SPIDR: variants seen among roughly 807,000 people sequenced by gnomAD.
SPIDR encodes scaffold protein involved in DNA repair.
Under a neutral mutation model 104.6 loss-of-function variants are expected in SPIDR, and 93 were observed. That is an observed-to-expected ratio of 0.89 (90% CI 0.75 to 1.06). SPIDR has a LOEUF of 1.06. Among genes scored for constraint, SPIDR ranks in the 50% least tolerant of loss-of-function variants. SPIDR has a pLI of 0.00. For missense variants in SPIDR, 1,154 were observed against 1,111.2 expected (o/e 1.04, Z -0.55); for synonymous variants, 431 against 416.9 (o/e 1.03, Z -0.41).
chr8:47,675,921 C>A (rs954413789), intron 11 of SPIDR, among the ~76,000 whole-genome samples: 4 of 152,212 alleles, frequency 2.6e-5, no homozygotes, highest in Non-Finnish European at 4.4e-5. Context: ...CTCTTTCACT[C>A]GGCTGCCACC....
At chr8:47,470,532 C>G (rs538486497) in intron 8 of SPIDR, among the ~76,000 whole-genome samples, 1 of 151,990 alleles carries the variant, frequency 6.6e-6, no homozygotes, top group South Asian at 2.1e-4. Context: ...GATCTGCCCA[C>G]CTCAGCCTCC....
intron 8 of SPIDR, among the ~76,000 whole-genome samples, chr8:47,462,546 A>G (rs1375117249): frequency 6.6e-6 from 1 of 152,234 alleles, no homozygotes; most frequent in Non-Finnish European, 1.5e-5. Context: ...AACATAATGT[A>G]CTAAAACTTA....
chr8:47,549,248 A>G (rs532584317), intron 8 of SPIDR, among the ~76,000 whole-genome samples: 1 of 152,200 alleles, frequency 6.6e-6, no homozygotes, highest in Non-Finnish European at 1.5e-5. Context: ...ATGTGTCTTT[A>G]TAGCAGCATG....
intron 8 of SPIDR, among the ~76,000 whole-genome samples, chr8:47,577,053 A>C (rs1266365604): frequency 6.6e-6 from 1 of 152,224 alleles, no homozygotes; most frequent in Non-Finnish European, 1.5e-5. Context: ...TCCACAGATG[A>C]GATGCTTAGG....
At chr8:47,484,817 C>A (rs190339792) in intron 8 of SPIDR, among the ~76,000 whole-genome samples, 1 of 152,166 alleles carries the variant, frequency 6.6e-6, no homozygotes, top group Admixed American at 6.5e-5. Flanking sequence ...CACATTGTGG[C>A]GTTCAAAGGG....
rs557712503 is a variant in SPIDR at position 47,486,704 on chromosome 8, T to C, written c.1097+46162T>C. On this transcript the variant is annotated intron_variant, in intron 8 of 19. Coordinates refer to ENST00000297423, the MANE Select transcript of SPIDR (RefSeq NM_001080394.4). ...GAGTGGGGGCCGATATTCAACATTC[T>C]TAAAGAAAAGAATTTTCAACCCAGA... Among the ~76,000 whole-genome samples the C allele has an allele frequency of 4.6e-5, 7 of 152,282 alleles. No individual in the cohort carries two copies. The South Asian group carries it at 6.2e-4, about 14-fold the overall frequency.
intron 10 of SPIDR, among the ~76,000 whole-genome samples, chr8:47,643,968 T>A (rs1327322146): frequency 6.6e-6 from 1 of 152,200 alleles, no homozygotes; most frequent in African/African-American, 2.4e-5. Context: ...AAATGCTTTT[T>A]AACTACACTG....
chr8:47,489,723 G>A (rs200023054), intron 8 of SPIDR, among the ~76,000 whole-genome samples: 3 of 152,162 alleles, frequency 2.0e-5, no homozygotes, highest in East Asian at 1.9e-4. Flanking sequence ...CTGATCTTTG[G>A]CAAACCTGAC....
Position 47,446,582 on chromosome 8 carries a change from C to CT in SPIDR, c.1097+6058dup, listed in dbSNP as rs574653139. 5.4e-3 allele frequency among the ~76,000 whole-genome samples: 741 copies of CT among 136,874 alleles called. 4 individuals are homozygous for CT. Among genetic ancestry groups the CT allele is most frequent in the Admixed American group, 0.013 (171 of 13,524 alleles). The allele number at this position is 136,874 out of a possible 152,430, so 89.8% of individuals were successfully genotyped here. ...TTTTAACTGCCATAGATAATGATTC[C>CT]TTTTTTTTTTTTTTTTTTAAATGAG... is the stretch of plus-strand genomic sequence containing the variant. On this transcript the variant is annotated intron_variant, in intron 8 of 19. Transcript: ENST00000297423.
At chr8:47,724,596 G>T (rs1563671603) in intron 16 of SPIDR, among the ~76,000 whole-genome samples, 1 of 152,318 alleles carries the variant, frequency 6.6e-6, no homozygotes, top group East Asian at 1.9e-4. Context: ...TGGTGCTAGG[G>T]CTTGGGCAGC....
chr8:47,451,319 C>T (rs1366558375), intron 8 of SPIDR, among the ~76,000 whole-genome samples: 2 of 152,034 alleles, frequency 1.3e-5, no homozygotes, highest in African/African-American at 2.4e-5. Context: ...GGTGACTTAA[C>T]GCCTGTAATC....
chr8:47,556,195 C>G (rs895838146), intron 8 of SPIDR, among the ~76,000 whole-genome samples: 7 of 152,190 alleles, frequency 4.6e-5, no homozygotes, highest in African/African-American at 1.7e-4. Context: ...CATAGAACCA[C>G]AACTGAGATC....
At chr8:47,603,955 T>G (rs2062629228) in intron 10 of SPIDR, among the ~76,000 whole-genome samples, 1 of 152,192 alleles carries the variant, frequency 6.6e-6, no homozygotes, top group South Asian at 2.1e-4. Flanking sequence ...TATTTATTCC[T>G]TCTTTCCACT....
At chr8:47,472,928 T>G (rs1586303065) in intron 8 of SPIDR, among the ~76,000 whole-genome samples, 2 of 152,220 alleles carry the variant, frequency 1.3e-5, no homozygotes, top group East Asian at 3.9e-4. Context: ...ACAATTTCAC[T>G]GCTTAAGAAA....
chr8:47,446,243 C>A (rs934246056), intron 8 of SPIDR, among the ~76,000 whole-genome samples: 41 of 152,256 alleles, frequency 2.7e-4, no homozygotes, highest in Middle Eastern at 3.4e-3. Flanking sequence ...GTTCATTTAC[C>A]ATTTTGAAAA....
rs1466042214 is a variant in SPIDR at position 47,347,686 on chromosome 8, C to CT, written c.526-48687dup. 2.0e-5 allele frequency among the ~76,000 whole-genome samples: 3 copies of CT among 152,156 alleles called. No individual in the cohort carries two copies. In the East Asian group the frequency reaches 5.8e-4, roughly 29 times the overall value. ...GATAGTTAGCTCTTCTTGTTGATCC[C>CT]TTTACCATTATGTAATGGCCTTCTT... On this transcript the variant is annotated intron_variant, in intron 5 of 19. Transcript: ENST00000297423.
intron 16 of SPIDR, among the ~76,000 whole-genome samples, chr8:47,721,738 G>C (rs1196324587): frequency 6.6e-6 from 1 of 152,080 alleles, no homozygotes; most frequent in Non-Finnish European, 1.5e-5. Context: ...GCCTCCCAAA[G>C]TGCTGGGATT....
In SPIDR at chr8:47,598,928, T is replaced by C; in HGVS notation, c.1294-18T>C. 6.2e-7 allele frequency: 1 copy of C among 1,613,348 alleles called. No individual in the cohort carries two copies. On this transcript the variant is annotated intron_variant, in intron 9 of 19. Transcript: ENST00000297423. ...CTTTGTGAGTCTTGAAACTGTTCCC[T>C]TTATGTGTCTTGGCCAGGTTGTGTG...
At chr8:47,501,908 G>T (rs1436588986) in intron 8 of SPIDR, among the ~76,000 whole-genome samples, 1 of 152,040 alleles carries the variant, frequency 6.6e-6, no homozygotes, top group East Asian at 1.9e-4. Context: ...TAATCATATG[G>T]TTTTTGTCAT....
Sources: gnomAD v4.1 joint callset for allele counts (sites outside exome capture counted in the v4.1 genomes callset) on GRCh38, gnomAD v4.1.1 for gene constraint, MANE v1.5 for transcripts, NCBI Gene and HGNC (gene_info 2026-07-23, HGNC 2026-07-21) for gene names.